The following MGAT5B variants were observed in gnomAD, a reference collection of about 807,000 sequenced individuals.
The protein encoded by MGAT5B is N-acetylglucosaminyl-transferase Vb.
A neutral mutation model predicts 95.1 loss-of-function variants in MGAT5B; 54 were observed. The observed-to-expected ratio is 0.57, with a 90% CI of 0.46 to 0.71. The LOEUF (loss-of-function observed/expected upper bound fraction) is 0.71, where lower values mean the gene tolerates loss of function less well. Ranked by LOEUF, MGAT5B falls within the 30% of genes least tolerant of loss-of-function variation. The probability of loss-of-function intolerance (pLI) is 0.00; values close to 1 mark genes in which losing one functional copy is unlikely to be tolerated. For synonymous variants in MGAT5B, 464 were observed against 451.0 expected (o/e 1.03, Z -0.36); for missense variants, 935 against 1,088.6 (o/e 0.86, Z 1.99).
chr17:76,926,559 G>A (rs375435034), intron 9 of MGAT5B, 38 bp from the exon 10 acceptor site: 5 of 1,582,034 alleles, frequency 3.2e-6, no homozygotes, highest in African/African-American at 2.7e-5. Flanking sequence ...CACACGGGGA[G>A]GTTGCTGACC....
intron 9 of MGAT5B, among the ~76,000 whole-genome samples, chr17:76,925,605 G>C (rs12450144): frequency 0.13 from 19,855 of 152,008 alleles, 1,449 homozygotes; most frequent in East Asian, 0.18. Context: ...TATTTATTAC[G>C]TGTGCTCCAG....
In MGAT5B at chr17:76,918,230, C is replaced by A. The variant is rs902848239; in HGVS notation, c.1026-6736C>A. Among the ~76,000 whole-genome samples the A allele has an allele frequency of 2.6e-5, 4 of 152,188 alleles. No individual in the cohort carries two copies. Among genetic ancestry groups the A allele is most frequent in the Non-Finnish European group, 5.9e-5 (4 of 68,026 alleles). On this transcript the variant is annotated intron_variant, in intron 8 of 17. Coordinates refer to ENST00000569840, the MANE Select transcript of MGAT5B (RefSeq NM_001199172.2). This position sits in a 1 kb window ranked among gnomAD's most constrained non-coding sequence, Gnocchi z 5.1. ...TGTACCGCACCCCCACCCCCGCACCCATGCTTTGTGGTAGCTTCGGCTAAA... is the reference window on the plus strand; with the variant it reads ...TGTACCGCACCCCCACCCCCGCACCAATGCTTTGTGGTAGCTTCGGCTAAA...
In MGAT5B at chr17:76,897,713, CTTTCTTTCTTTCTTTTTCTTTTTTTT is replaced by C. The variant is rs1567800303; in HGVS notation, c.330-4838_330-4813del. Among the ~76,000 whole-genome samples the C allele has an allele frequency of 5.8e-4, 54 of 92,802 alleles. 1 individual carries two copies. The highest frequency in any genetic ancestry group is 3.2e-3 in the African/African-American group (53 of 16,676). The allele number at this position is 92,802 out of a possible 152,430, so 60.9% of individuals were successfully genotyped here. A position where few individuals can be genotyped will look rare whatever the true frequency, so the allele number is the denominator to read the frequency against. ...TCTTTCTTTCTTTCTTTCTTTCTTT[CTTTCTTTCTTTCTTTTTCTTTTTTTT>C]TTTTTTTTTTGGTTTATTAAAAAAT... On this transcript the variant is annotated intron_variant, in intron 3 of 17. Coordinates refer to ENST00000569840, the MANE Select transcript of MGAT5B (RefSeq NM_001199172.2).
intron 3 of MGAT5B, among the ~76,000 whole-genome samples, chr17:76,897,713 C>CTTTCTT (rs1968133529): frequency 1.1e-5 from 1 of 92,802 alleles, no homozygotes; most frequent in South Asian, 4.0e-4. Flanking sequence ...TTCTTTCTTT[C>CTTTCTT]TTTCTTTCTT....
intron 8 of MGAT5B, among the ~76,000 whole-genome samples, chr17:76,919,841 C>T (rs542539696): frequency 1.3e-5 from 2 of 152,356 alleles, no homozygotes; most frequent in South Asian, 2.1e-4. Context: ...GTGCAACCAT[C>T]GCCACCATCC....
At position 76,940,316 on chromosome 17, in the gene MGAT5B, A is replaced by C; in HGVS notation, c.1585-86A>C. On this transcript the variant is annotated intron_variant, in intron 13 of 17. Transcript: ENST00000569840. This position sits in a 1 kb window ranked among gnomAD's most constrained non-coding sequence, Gnocchi z 4.3. Reference sequence around the variant, plus strand: ...CAGCTGCCTCCTGTGAATATCCCGAAGCCTCACCTTGTCCCCGGCATCCTG... The same window carrying C: ...CAGCTGCCTCCTGTGAATATCCCGACGCCTCACCTTGTCCCCGGCATCCTG... 6.9e-7 allele frequency: 1 copy of C among 1,452,602 alleles called. No homozygotes were observed. The highest frequency in any genetic ancestry group is 9.2e-7 in the Non-Finnish European group (1 of 1,092,786). The allele number at this position is 1,452,602 out of a possible 1,614,324, so 90.0% of individuals were successfully genotyped here.
chr17:76,944,550 C>T (rs530727166), intron 15 of MGAT5B, among the ~76,000 whole-genome samples: 30 of 152,232 alleles, frequency 2.0e-4, no homozygotes, highest in South Asian at 1.7e-3. Flanking sequence ...GCCATCGGCT[C>T]GGGAATGAGA....
rs186401358 is a variant in MGAT5B at position 76,881,366 on chromosome 17, A to G, written c.182-785A>G. 5.3e-5 allele frequency among the ~76,000 whole-genome samples: 8 copies of G among 152,300 alleles called. No homozygotes were observed. The East Asian group carries it at 1.5e-3, about 29-fold the overall frequency. On this transcript the variant is annotated intron_variant, in intron 2 of 17. Transcript: ENST00000569840. ...CCAGGGAACCTGCCCTTGTCAGTTG[A>G]TCTTTGGAAATCCAAAGACCAGCTT...
chr17:76,903,422 C>T (rs2145188798), intron 5 of MGAT5B, 46 bp downstream of exon 5: 2 of 1,523,338 alleles, frequency 1.3e-6, no homozygotes, highest in East Asian at 4.7e-5. Flanking sequence ...GCTAGGGCCT[C>T]TCTGTCTGGC....
At chr17:76,894,582 G>A (rs1226557895) in intron 3 of MGAT5B, among the ~76,000 whole-genome samples, 4 of 152,076 alleles carry the variant, frequency 2.6e-5, no homozygotes, top group African/African-American at 4.8e-5. Flanking sequence ...TAGGCTGTGC[G>A]CAGTGGCTCA....
At position 76,868,998 on chromosome 17, in the gene MGAT5B, C is replaced by T; in HGVS notation, c.-32C>T. The T allele has an allele frequency of 6.2e-7, 1 of 1,610,618 alleles. No homozygotes were observed. Among genetic ancestry groups the T allele is most frequent in the South Asian group, 1.1e-5 (1 of 91,018 alleles). On this transcript the variant is annotated 5_prime_UTR_variant, in exon 1 of 18. Transcript: ENST00000569840. This position sits in a 1 kb window ranked among gnomAD's most constrained non-coding sequence, Gnocchi z 6.3. The stretch of plus-strand genomic sequence containing the variant: ...GCCCAGGACGGTGCGTCCGGCCTCG[C>T]CCGCGGCTGCTCGCACCAACAAGTT...
rs977578211 is a variant in MGAT5B at position 76,937,526 on chromosome 17, C to CATGGATGGTGGGTGCATGG, written c.1429-429_1429-411dup. Among the ~76,000 whole-genome samples the CATGGATGGTGGGTGCATGG allele has an allele frequency of 1.0e-4, 15 of 150,698 alleles. No individual in the cohort carries two copies. The East Asian group carries it at 2.7e-3, about 27-fold the overall frequency. ...GGACAAATGGATGGATGGATGGATG[C>CATGGATGGTGGGTGCATGG]ATGGATGGTGGGTGCATGGATGGAT... On this transcript the variant is annotated intron_variant, in intron 12 of 17. Coordinates refer to ENST00000569840, the MANE Select transcript of MGAT5B (RefSeq NM_001199172.2).
At chr17:76,897,734 T>TC (rs1567800456) in intron 3 of MGAT5B, among the ~76,000 whole-genome samples, 8 of 58,962 alleles carry the variant, frequency 1.4e-4, no homozygotes, top group East Asian at 1.2e-3. Flanking sequence ...TCTTTTTCTT[T>TC]TTTTTTTTTT....
Position 76,868,926 on chromosome 17 carries a change from G to A in MGAT5B, c.-104G>A, listed in dbSNP as rs537553582. The stretch of plus-strand genomic sequence containing the variant: ...CGCGCTCCCAGCTTCGCTCGGACGC[G>A]GCTTCGGCCCGCAGAGGGTTCGTGG... On this transcript the variant is annotated 5_prime_UTR_variant, in exon 1 of 18. Coordinates refer to ENST00000569840, the MANE Select transcript of MGAT5B (RefSeq NM_001199172.2). The surrounding 1 kb of genome is among the most constrained non-coding windows in gnomAD (Gnocchi z 6.3). 6 of 1,116,406 alleles carry A rather than the reference G, an allele frequency of 5.4e-6. No homozygotes were observed. In the South Asian group the frequency reaches 8.5e-5, roughly 16 times the overall value. The allele number at this position is 1,116,406 out of a possible 1,614,324, so 69.2% of individuals were successfully genotyped here.
rs1969323193 is a variant in MGAT5B, at chr17:76,926,658, G to A, written c.1219G>A (p.Ala407Thr). 1.2e-6 allele frequency: 2 copies of A among 1,612,674 alleles called. No homozygotes were observed. The highest frequency in any genetic ancestry group is 1.1e-5 in the South Asian group (1 of 91,082). ...ACCTGCGTACAACCACGAGGAGTAC[G>A]CCACGCTGCACGGCTACCGGACCAA... The part of the protein sequence containing the change: ...TEPAYNHEEY[A>T]TLHGYRTNWG... The change falls in exon 10 of 18, where the codon GCC becomes ACC. Residue 407 changes from alanine (A) to threonine (T), a missense_variant. Physicochemically the swap from Ala to Thr is moderately conservative, Grantham distance 58 (BLOSUM62 0). Transcript: ENST00000569840.
intron 3 of MGAT5B, among the ~76,000 whole-genome samples, chr17:76,901,701 G>A (rs1009661989): frequency 7.2e-5 from 11 of 152,218 alleles, no homozygotes; most frequent in South Asian, 2.1e-4. Context: ...ATAATTTACC[G>A]GAGTTTTAAT....
chr17:76,926,586 T>C lies in MGAT5B; in HGVS notation c.1158-11T>C. 1 of 1,604,434 alleles carries C rather than the reference T, an allele frequency of 6.2e-7. No individual in the cohort carries two copies. Among genetic ancestry groups the C allele is most frequent in the Non-Finnish European group, 8.5e-7 (1 of 1,175,078 alleles). ...TTGCTGACCCTGGTTCCTGGTCCCC[T>C]GGGGGGGCAGGTGCCGAATCAGGGT... On this transcript the variant is annotated splice_polypyrimidine_tract_variant and intron_variant, in intron 9 of 17. Transcript: ENST00000569840.
At chr17:76,948,533 A>G in intron 17 of MGAT5B, 107 bp from the exon 18 acceptor site, 1 of 1,166,460 alleles carries the variant, frequency 8.6e-7, no homozygotes, top group Non-Finnish European at 1.2e-6. Context: ...GGGATGGGCC[A>G]GAGAAGGGGA....
chr17:76,919,026 C>T (rs1040194381), intron 8 of MGAT5B, among the ~76,000 whole-genome samples: 1 of 152,198 alleles, frequency 6.6e-6, no homozygotes, highest in Non-Finnish European at 1.5e-5. Context: ...GGAGATTTGC[C>T]TGAGCACGTG....
Sources: gnomAD v4.1 joint callset for allele counts (sites outside exome capture counted in the v4.1 genomes callset) on GRCh38, gnomAD v4.1.1 for gene constraint, Gnocchi (gnomAD v3.1) non-coding constraint, MANE v1.5 for transcripts, NCBI Gene and HGNC (gene_info 2026-07-23, HGNC 2026-07-21) for gene names.